Variants in TDRP observed in about 807,000 individuals in gnomAD.
The protein encoded by TDRP is testis development related protein, also known as testis development-related protein.
Under a neutral mutation model 10.5 loss-of-function variants are expected in TDRP, and 12 were observed. That is an observed-to-expected ratio of 1.15 (90% CI 0.73 to 1.86). TDRP has a LOEUF of 1.86. Ranked by LOEUF, TDRP falls within the 40% of genes most tolerant of loss-of-function variation. The probability of loss-of-function intolerance (pLI) is 0.00; values close to 1 mark genes in which losing one functional copy is unlikely to be tolerated. For missense variants in TDRP, 353 were observed against 229.2 expected (o/e 1.54, Z -3.49); for synonymous variants, 139 against 95.4 (o/e 1.46, Z -2.67).
chr8:534,892 G>C (rs1288981044), intron 1 of TDRP, among the ~76,000 whole-genome samples: 29 of 152,104 alleles, frequency 1.9e-4, no homozygotes. Flanking sequence ...CCAATGCCCA[G>C]CACATGGCAG....
rs1407388042 is a variant in TDRP, at chr8:490,438, G to A, written c.*1961C>T. On this transcript the variant is annotated 3_prime_UTR_variant, in exon 3 of 3. Transcript: ENST00000324079. Reference sequence around the variant, plus strand: ...TGCAGGCACTTAGCGTTCCAACAGAGGCACGGCAACTGCAGCCATCACAGC... The same window carrying A: ...TGCAGGCACTTAGCGTTCCAACAGAAGCACGGCAACTGCAGCCATCACAGC... The A allele has an allele frequency of 6.6e-6, 1 of 152,172 alleles. No individual in the cohort carries two copies. The highest frequency in any genetic ancestry group is 1.5e-5 in the Non-Finnish European group (1 of 68,032). The allele number at this position is 152,172 out of a possible 1,614,324, so 9.4% of individuals were successfully genotyped here.
At chr8:503,136 G>C (rs1017848683) in intron 1 of TDRP, among the ~76,000 whole-genome samples, 1 of 149,262 alleles carries the variant, frequency 6.7e-6, no homozygotes, top group Non-Finnish European at 1.5e-5. Context: ...ACCTCAGCAT[G>C]TGTCAACACA....
chr8:529,757 T>C (rs868137425), intron 1 of TDRP, among the ~76,000 whole-genome samples: 1 of 152,196 alleles, frequency 6.6e-6, no homozygotes, highest in African/African-American at 2.4e-5. Flanking sequence ...GGGAGCTCCC[T>C]TGTTATATGA....
intron 1 of TDRP, among the ~76,000 whole-genome samples, chr8:510,027 G>A (rs1017587480): frequency 3.9e-5 from 6 of 152,086 alleles, no homozygotes; most frequent in Admixed American, 1.3e-4. Flanking sequence ...AGACACATGC[G>A]ATGTGACCTC....
chr8:542,270 T>C (rs1802514897), intron 1 of TDRP, among the ~76,000 whole-genome samples: 1 of 151,588 alleles, frequency 6.6e-6, no homozygotes, highest in Admixed American at 6.6e-5. Flanking sequence ...GCACAGAGGG[T>C]CTCTAAGGCA....
intron 1 of TDRP, among the ~76,000 whole-genome samples, chr8:521,065 T>G (rs1274337000): frequency 1.3e-5 from 2 of 151,934 alleles, no homozygotes; most frequent in African/African-American, 4.8e-5. Context: ...ATTTCTGATT[T>G]AGGTCTTTAA....
chr8:530,936 G>C (rs1802174871), intron 1 of TDRP, among the ~76,000 whole-genome samples: 1 of 152,142 alleles, frequency 6.6e-6, no homozygotes, highest in Admixed American at 6.6e-5. Context: ...CTGAGTCTCT[G>C]ATGCTGCAAA....
At position 500,006 on chromosome 8, in the gene TDRP, C is replaced by T. The variant is rs117695152; in HGVS notation, c.109-5409G>A. ...AAAAAACCTAAACACCTCTTGAGGA[C>T]CAAGAAGAATGATGGTAAAACATTC... On this transcript the variant is annotated intron_variant, in intron 1 of 2. Coordinates refer to ENST00000324079, the MANE Select transcript of TDRP (RefSeq NM_001384899.1). Among the ~76,000 whole-genome samples, 525 of 152,166 alleles carry T rather than the reference C, an allele frequency of 3.5e-3. 22 individuals are homozygous for T. The East Asian group carries it at 0.075, about 22-fold the overall frequency.
At chr8:539,743 C>CG (rs1414746839) in intron 1 of TDRP, among the ~76,000 whole-genome samples, 1 of 152,160 alleles carries the variant, frequency 6.6e-6, no homozygotes, top group African/African-American at 2.4e-5. Context: ...GATTTCAGAG[C>CG]GATCGTCAAT....
chr8:508,928 C>T (rs1240681410), intron 1 of TDRP, among the ~76,000 whole-genome samples: 1 of 152,230 alleles, frequency 6.6e-6, no homozygotes, highest in Admixed American at 6.5e-5. Context: ...AATGTTCCTG[C>T]TTCAAATGGG....
At chr8:514,668 C>T (rs1261380687) in intron 1 of TDRP, among the ~76,000 whole-genome samples, 1 of 152,224 alleles carries the variant, frequency 6.6e-6, no homozygotes, top group Non-Finnish European at 1.5e-5. Flanking sequence ...TTGAAGCCCT[C>T]TCTCCACTAC....
At chr8:518,805 G>C (rs1034951849) in intron 1 of TDRP, among the ~76,000 whole-genome samples, 5 of 151,780 alleles carry the variant, frequency 3.3e-5, no homozygotes, top group African/African-American at 1.2e-4. Flanking sequence ...TATCTTAATA[G>C]AAAGTCTAAT....
chr8:529,954 T>C (rs1346357470), intron 1 of TDRP, among the ~76,000 whole-genome samples: 8 of 152,208 alleles, frequency 5.3e-5, no homozygotes, highest in African/African-American at 1.7e-4. Flanking sequence ...CACCACTCTT[T>C]ATTCAAATAA....
At position 492,095 on chromosome 8, in the gene TDRP, C is replaced by T; in HGVS notation, c.*304G>A. ...AGCATGAAAATCATTTTGTGAGAAA[C>T]TGCAAATCATTACTGCTGTATTATG... On this transcript the variant is annotated 3_prime_UTR_variant, in exon 3 of 3. Coordinates refer to ENST00000324079, the MANE Select transcript of TDRP (RefSeq NM_001384899.1). The T allele has an allele frequency of 8.4e-7, 1 of 1,184,270 alleles. No individual in the cohort carries two copies. Among genetic ancestry groups the T allele is most frequent in the East Asian group, 3.8e-5 (1 of 26,094 alleles). The allele number at this position is 1,184,270 out of a possible 1,614,324, so 73.4% of individuals were successfully genotyped here.
At chr8:510,064 C>G (rs951255228) in intron 1 of TDRP, among the ~76,000 whole-genome samples, 6 of 152,168 alleles carry the variant, frequency 3.9e-5, no homozygotes, top group African/African-American at 1.4e-4. Context: ...GCTGTGCCCA[C>G]TCCCCAGGGA....
Position 492,710 on chromosome 8 carries a change from C to G in TDRP, c.247G>C (p.Glu83Gln), listed in dbSNP as rs1366380144. 1 of 1,612,992 alleles carries G rather than the reference C, an allele frequency of 6.2e-7. No individual in the cohort carries two copies. Among genetic ancestry groups the G allele is most frequent in the Non-Finnish European group, 8.5e-7 (1 of 1,179,446 alleles). The change falls in exon 3 of 3, where the codon GAG (glutamate) becomes CAG (glutamine). Residue 83 changes from glutamate (E) to glutamine (Q), a missense_variant. Coordinates refer to ENST00000324079, the MANE Select transcript of TDRP (RefSeq NM_001384899.1). ...NLRLKEELKA[E>Q]KKSGFWDNLV... Reference sequence around the variant, plus strand: ...TTGTCCCAAAATCCAGATTTCTTCTCTGCCTTCAACTCTTCTTTTAATCGT... The same window carrying G: ...TTGTCCCAAAATCCAGATTTCTTCTGTGCCTTCAACTCTTCTTTTAATCGT...
intron 1 of TDRP, among the ~76,000 whole-genome samples, chr8:540,782 C>A: frequency 7.3e-6 from 1 of 137,862 alleles, no homozygotes. Flanking sequence ...TTTATTGGAA[C>A]CTAATATTAT....
intron 2 of TDRP, among the ~76,000 whole-genome samples, chr8:493,112 A>G (rs539986542): frequency 6.6e-6 from 1 of 152,364 alleles, no homozygotes; most frequent in South Asian, 2.1e-4. Context: ...AGGGAAATCT[A>G]TTCAATTTAT....
intron 1 of TDRP, among the ~76,000 whole-genome samples, chr8:533,158 G>C (rs1007116614): frequency 4.7e-4 from 71 of 152,138 alleles, no homozygotes; most frequent in Admixed American, 1.3e-3. Flanking sequence ...CAAATTATGA[G>C]TTCTGAAGTG....
Sources: allele counts gnomAD v4.1 joint callset (sites outside exome capture counted in the v4.1 genomes callset), GRCh38; gene constraint gnomAD v4.1.1; transcripts MANE v1.5; gene names NCBI Gene and HGNC (gene_info 2026-07-23, HGNC 2026-07-21).